Variants in CSMD1 observed in about 807,000 individuals in gnomAD.
The protein encoded by CSMD1 is CUB and Sushi multiple domains 1, also known as CUB and sushi domain-containing protein 1.
Under a neutral mutation model 417.5 loss-of-function variants are expected in CSMD1, and 213 were observed. The ratio of observed to expected loss-of-function variants is 0.51; its 90% confidence interval spans 0.46 to 0.57. The LOEUF (loss-of-function observed/expected upper bound fraction) is 0.57. Among genes scored for constraint, CSMD1 ranks in the 20% least tolerant of loss-of-function variants. CSMD1 has a pLI of 0.00. For missense variants in CSMD1, 6,923 were observed against 4,529.7 expected (o/e 1.53, Z -15.17); for synonymous variants, 2,862 against 1,736.8 (o/e 1.65, Z -16.11).
At chr8:4,674,323 A>G (rs1007535339) in intron 1 of CSMD1, among the ~76,000 whole-genome samples, 3 of 152,162 alleles carry the variant, frequency 2.0e-5, no homozygotes, top group African/African-American at 2.4e-5. Context: ...GCTGAAAAAA[A>G]TGCTAAGGAA....
In CSMD1 at chr8:3,396,303, G is replaced by A; in HGVS notation, c.2484C>T (p.Tyr828=). ...PASSSPLIGE[Y]HGTQAPQFLI... is the part of the protein sequence containing the mutation. ...GGAACTGGGGTGCCTGGGTGCCGTG[G>A]TACTCGCCGATCAGTGGGGACGAAC... Residue 828 remains tyrosine (Y), a synonymous_variant, in exon 17 of 70, where the codon TAC becomes TAT. Coordinates refer to ENST00000635120, the MANE Select transcript of CSMD1 (RefSeq NM_033225.6). 1 of 1,606,308 alleles carries A rather than the reference G, an allele frequency of 6.2e-7. No individual in the cohort carries two copies. Among genetic ancestry groups the A allele is most frequent in the African/African-American group, 1.3e-5 (1 of 74,950 alleles).
At chr8:4,608,431 G>A (rs776380137) in intron 2 of CSMD1, among the ~76,000 whole-genome samples, 3 of 152,192 alleles carry the variant, frequency 2.0e-5, no homozygotes, top group African/African-American at 7.2e-5. Context: ...AAGTGGACTT[G>A]ACATGATTTG....
At chr8:3,249,955 G>T (rs565534046) in intron 26 of CSMD1, among the ~76,000 whole-genome samples, 12 of 152,280 alleles carry the variant, frequency 7.9e-5, no homozygotes, top group South Asian at 4.1e-4. Context: ...ATTATATTTT[G>T]CATGTCAGGT....
At chr8:4,540,424 C>G (rs557413887) in intron 2 of CSMD1, among the ~76,000 whole-genome samples, 92 of 152,160 alleles carry the variant, frequency 6.0e-4, no homozygotes, top group Non-Finnish European at 1.1e-3. Flanking sequence ...AACCTCAGGC[C>G]GGGTGCAGTG....
At chr8:3,243,089 T>C (rs1172189490) in intron 26 of CSMD1, among the ~76,000 whole-genome samples, 1 of 151,880 alleles carries the variant, frequency 6.6e-6, no homozygotes, top group Non-Finnish European at 1.5e-5. Context: ...AAGGGAGAGA[T>C]TGAAGGGTGG....
intron 2 of CSMD1, among the ~76,000 whole-genome samples, chr8:4,561,120 C>A (rs2130611409): frequency 6.6e-6 from 1 of 152,208 alleles, no homozygotes; most frequent in South Asian, 2.1e-4. Context: ...ATCTGTAATT[C>A]CAGTAATTTG....
rs767492258 is a variant in CSMD1 at position 3,359,190 on chromosome 8, C to T, written c.3266G>A (p.Gly1089Asp). ...CAGAGGTGCACTCCACACACGGCGG[C>T]CCCCACCCAGGCAGGTAAGCTTGGT... is the stretch of plus-strand genomic sequence containing the variant. ...GATKLTCLGG[G>D]RRVWSAPLPR... is the part of the protein sequence containing the mutation. Residue 1089 changes from glycine (G) to aspartate (D), a missense_variant, in exon 21 of 70, where the codon GGC (glycine) becomes GAC (aspartate). Physicochemically the swap from Gly to Asp is moderately conservative, Grantham distance 94. Coordinates refer to ENST00000635120, the MANE Select transcript of CSMD1 (RefSeq NM_033225.6). The T allele has an allele frequency of 1.2e-5, 19 of 1,613,956 alleles. No homozygotes were observed. Among genetic ancestry groups the T allele is most frequent in the Non-Finnish European group, 1.4e-5 (17 of 1,179,934 alleles).
At chr8:4,584,087 C>A (rs555869201) in intron 2 of CSMD1, among the ~76,000 whole-genome samples, 2 of 151,960 alleles carry the variant, frequency 1.3e-5, no homozygotes, top group Middle Eastern at 6.8e-3. Context: ...AGCAAGACCA[C>A]GAACCCACTA....
At chr8:3,486,136 CTGTTA>C (rs1818018655) in intron 11 of CSMD1, among the ~76,000 whole-genome samples, 2 of 152,118 alleles carry the variant, frequency 1.3e-5, no homozygotes, top group South Asian at 2.1e-4. Context: ...TTGTTTCTTT[CTGTTA>C]TATTTCATTT....
chr8:4,448,104 TC>T (rs1382076495), intron 2 of CSMD1, among the ~76,000 whole-genome samples: 3 of 152,208 alleles, frequency 2.0e-5, no homozygotes, highest in African/African-American at 7.2e-5. Context: ...TTCTCTATGT[TC>T]TTGATCTCTT....
At chr8:3,207,152 T>TTTC (rs1491339291) in intron 30 of CSMD1, among the ~76,000 whole-genome samples, 28 of 7,408 alleles carry the variant, frequency 3.8e-3, no homozygotes, top group African/African-American at 0.014. Context: ...TTTCATTTTC[T>TTTC]TTTTTTTTTT....
At chr8:4,104,146 C>T (rs1801445296) in intron 3 of CSMD1, among the ~76,000 whole-genome samples, 1 of 152,230 alleles carries the variant, frequency 6.6e-6, no homozygotes, top group Non-Finnish European at 1.5e-5. Context: ...CCCTCGTCTG[C>T]AGCAGTTACT....
chr8:3,971,158 C>G (rs17330040), intron 5 of CSMD1, among the ~76,000 whole-genome samples: 27,854 of 152,074 alleles, frequency 0.18, 2,631 homozygotes, highest in South Asian at 0.23. Context: ...ATTTACGCTG[C>G]CTCCTGGCAT....
intron 2 of CSMD1, among the ~76,000 whole-genome samples, chr8:4,591,560 G>T (rs1277160209): frequency 1.3e-5 from 2 of 152,172 alleles, no homozygotes; most frequent in Non-Finnish European, 2.9e-5. Context: ...GGACTGTAGT[G>T]CAGGCTTCTC....
chr8:3,342,088 A>C (rs912295019), intron 23 of CSMD1, among the ~76,000 whole-genome samples: 6 of 152,244 alleles, frequency 3.9e-5, no homozygotes, highest in Non-Finnish European at 8.8e-5. Context: ...TTGTGCACAA[A>C]TATTAATTCA....
At chr8:3,411,032 G>A (rs1383669255) in intron 12 of CSMD1, among the ~76,000 whole-genome samples, 2 of 152,150 alleles carry the variant, frequency 1.3e-5, no homozygotes, top group African/African-American at 4.8e-5. Flanking sequence ...AGGGACAAAT[G>A]GGCAGAGGTG....
chr8:4,711,458 A>G (rs1422854201), intron 1 of CSMD1, among the ~76,000 whole-genome samples: 1 of 152,178 alleles, frequency 6.6e-6, no homozygotes, highest in East Asian at 1.9e-4. Flanking sequence ...AAGGTGTGAA[A>G]GTACCTTTTA....
intron 5 of CSMD1, among the ~76,000 whole-genome samples, chr8:3,989,582 G>A (rs780326337): frequency 1.2e-4 from 18 of 152,162 alleles, no homozygotes; most frequent in African/African-American, 4.1e-4. Flanking sequence ...GAAAGGGATT[G>A]CATTAAGAGA....
intron 9 of CSMD1, 133 bp downstream of exon 9, chr8:3,586,003 C>G (rs1800583205): frequency 2.2e-6 from 2 of 889,674 alleles, no homozygotes; most frequent in South Asian, 4.3e-5. Context: ...ACCCACATCA[C>G]TATGAAAACA....
Sources: gnomAD v4.1 joint callset for allele counts (sites outside exome capture counted in the v4.1 genomes callset) on GRCh38, gnomAD v4.1.1 for gene constraint, MANE v1.5 for transcripts, NCBI Gene and HGNC (gene_info 2026-07-23, HGNC 2026-07-21) for gene names.